FAM234B: variants seen among roughly 807,000 people sequenced by gnomAD.
FAM234B encodes protein FAM234B.
Under a neutral mutation model 69.3 loss-of-function variants are expected in FAM234B, and 33 were observed. The ratio of observed to expected loss-of-function variants is 0.48; its 90% CI spans 0.36 to 0.64. The LOEUF is 0.64. FAM234B is among the 30% of genes least tolerant of loss of function. FAM234B has a pLI of 0.00. For missense variants in FAM234B, 697 were observed against 769.7 expected (o/e 0.91, Z 1.12); for synonymous variants, 306 against 306.9 (o/e 1.00, Z 0.03).
chr12:13,071,229 T>G lies in FAM234B; in HGVS notation c.1369-12T>G, dbSNP rs765164450. 4 of 1,613,944 alleles carry G rather than the reference T, an allele frequency of 2.5e-6. No homozygotes were observed. Among genetic ancestry groups the G allele is most frequent in the Non-Finnish European group, 3.4e-6 (4 of 1,179,856 alleles). Reference sequence around the variant, plus strand: ...GCCTGGCCATGTTTACTGTCTGTCTTCTCTTTTGTAGATGATGGTTGTGGA... The same window carrying G: ...GCCTGGCCATGTTTACTGTCTGTCTGCTCTTTTGTAGATGATGGTTGTGGA... On this transcript the variant is annotated splice_polypyrimidine_tract_variant and intron_variant, in intron 9 of 12. Coordinates refer to ENST00000197268, the MANE Select transcript of FAM234B (RefSeq NM_020853.2).
intron 11 of FAM234B, among the ~76,000 whole-genome samples, chr12:13,078,383 T>C (rs1865185249): frequency 6.6e-6 from 1 of 152,242 alleles, no homozygotes; most frequent in Non-Finnish European, 1.5e-5. Context: ...GGTTTCTTTC[T>C]AGGGTTTTTA....
Position 13,056,069 on chromosome 12 carries a change from C to T in FAM234B, c.433+123C>T, listed in dbSNP as rs1864928225. The stretch of plus-strand genomic sequence containing the variant: ...ATGCGGCATTCCCCACCCTGCCGTC[C>T]CCACTGTGTGGAGGTGGCAAGGAGA... On this transcript the variant is annotated intron_variant, in intron 2 of 12. Coordinates refer to ENST00000197268, the MANE Select transcript of FAM234B (RefSeq NM_020853.2). The T allele has an allele frequency of 4.8e-6, 5 of 1,033,002 alleles. No homozygotes were observed. The South Asian group carries it at 8.6e-5, about 18-fold the overall frequency. 64.0% of individuals were successfully genotyped at this position (1,033,002 alleles called of 1,614,324 possible).
intron 3 of FAM234B, among the ~76,000 whole-genome samples, chr12:13,059,775 T>C (rs574457885): frequency 1.3e-5 from 2 of 152,154 alleles, no homozygotes; most frequent in African/African-American, 2.4e-5. Flanking sequence ...AGCCTAGGAG[T>C]AGATTTCCGT....
At chr12:13,069,492 A>C (rs1349539758) in intron 9 of FAM234B, among the ~76,000 whole-genome samples, 4 of 152,192 alleles carry the variant, frequency 2.6e-5, no homozygotes. Flanking sequence ...TGGAGACACA[A>C]AATTAATGAA....
rs377281119 is a variant in FAM234B, at chr12:13,068,397, G to A, written c.1236G>A (p.Arg412=). 2.3e-5 allele frequency: 37 copies of A among 1,614,048 alleles called. No homozygotes were observed. Among genetic ancestry groups the A allele is most frequent in the Non-Finnish European group, 3.1e-5 (36 of 1,180,032 alleles). ...CCAGACAAAGCCTTGTGCTGCTTCG[G>A]GGGCAAAATCTGACACCTTACTGGG... ...ITTRQSLVLL[R]GQNLTPYWAL... is the part of the protein sequence containing the mutation. Residue 412 remains arginine, a synonymous_variant, in exon 8 of 13, where the codon CGG becomes CGA. Coordinates refer to ENST00000197268, the MANE Select transcript of FAM234B (RefSeq NM_020853.2).
intron 2 of FAM234B, 139 bp downstream of exon 2, chr12:13,056,085 G>A: frequency 1.2e-6 from 1 of 847,308 alleles, no homozygotes; most frequent in Non-Finnish European, 1.7e-6. Context: ...GTGTGGAGGT[G>A]GCAAGGAGAT....
At position 13,080,019 on chromosome 12, in the gene FAM234B, TG is replaced by T. The variant is rs766254176; in HGVS notation, c.1863+11del. The T allele has an allele frequency of 6.4e-6, 10 of 1,562,036 alleles. No homozygotes were observed. The highest frequency in any genetic ancestry group is 8.7e-6 in the Non-Finnish European group (10 of 1,150,482). On this transcript the variant is annotated intron_variant, in intron 12 of 12. Coordinates refer to ENST00000197268, the MANE Select transcript of FAM234B (RefSeq NM_020853.2). Reference sequence around the variant, plus strand: ...TGAAGCTCCCTACGAGGTGAGTGGCTGCAGAAATATTGTTCCTCTTGAGGGT... The same window carrying T: ...TGAAGCTCCCTACGAGGTGAGTGGCTCAGAAATATTGTTCCTCTTGAGGGT...
chr12:13,079,768 C>T, intron 11 of FAM234B, 21 bp from the exon 12 acceptor site: 1 of 1,534,998 alleles, frequency 6.5e-7, no homozygotes, highest in Non-Finnish European at 9.0e-7. Context: ...GTTAACTGCT[C>T]TTGTTTTTGT....
At chr12:13,074,011 C>G (rs1202782346) in intron 10 of FAM234B, among the ~76,000 whole-genome samples, 2 of 152,170 alleles carry the variant, frequency 1.3e-5, no homozygotes, top group East Asian at 3.9e-4. Context: ...CAAAATTCAC[C>G]ACAAATTTGA....
Position 13,068,447 on chromosome 12 carries a change from G to C in FAM234B, c.1286G>C (p.Ser429Thr). The C allele has an allele frequency of 6.2e-7, 1 of 1,613,862 alleles. No homozygotes were observed. The highest frequency in any genetic ancestry group is 8.5e-7 in the Non-Finnish European group (1 of 1,179,914). The stretch of plus-strand genomic sequence containing the variant: ...GCATTGAGACTTCAAGGCCTGCGCA[G>C]GTTTGCATTGTGTTCCTTCTTGTGT... ...YWALRLQGLRSQPTPGYFTDD... is the reference protein window; with the variant it reads ...YWALRLQGLRTQPTPGYFTDD... The change falls in exon 8 of 13, where the codon AGC (serine) becomes ACC (threonine). Residue 429 changes from serine (S) to threonine (T), a missense_variant and splice_region_variant. Coordinates refer to ENST00000197268, the MANE Select transcript of FAM234B (RefSeq NM_020853.2).
In FAM234B at chr12:13,058,535, A is replaced by G. The variant is rs1410828211; in HGVS notation, c.518A>G (p.Asn173Ser). 6.2e-7 allele frequency: 1 copy of G among 1,608,272 alleles called. No homozygotes were observed. Among genetic ancestry groups the G allele is most frequent in the Non-Finnish European group, 8.5e-7 (1 of 1,176,658 alleles). The change falls in exon 3 of 13, where the codon AAC (asparagine) becomes AGC (serine). Residue 173 changes from asparagine (N) to serine (S), a missense_variant. By Grantham distance (46) the Asn-to-Ser change is conservative. Transcript: ENST00000197268. ...CTTCTCTCCTTTGTGATGTCAAGGAACGGGAGTGCAGTAGGTAAGAGACGT... is the reference window on the plus strand; with the variant it reads ...CTTCTCTCCTTTGTGATGTCAAGGAGCGGGAGTGCAGTAGGTAAGAGACGT... The part of the protein sequence containing the change: ...DVLLSFVMSR[N>S]GSAVGVSRPA...
At position 13,082,883 on chromosome 12, in the gene FAM234B, C is replaced by T. The variant is rs538224944; in HGVS notation, c.*2253C>T. 3.5e-4 allele frequency: 53 copies of T among 152,278 alleles called. No individual in the cohort carries two copies. The highest frequency in any genetic ancestry group is 1.3e-3 in the African/African-American group (53 of 41,554). The allele number at this position is 152,278 out of a possible 1,614,324, so 9.4% of individuals were successfully genotyped here. A position where few individuals can be genotyped will look rare whatever the true frequency, so the allele number is the denominator to read the frequency against. ...GAGGAAGCTAGAGAAACTTAATGTA[C>T]CTGAATTCTTCATGGTGTATTTGCA... On this transcript the variant is annotated 3_prime_UTR_variant, in exon 13 of 13. Coordinates refer to ENST00000197268, the MANE Select transcript of FAM234B (RefSeq NM_020853.2).
chr12:13,064,330 T>C (rs1347556748), intron 5 of FAM234B, among the ~76,000 whole-genome samples: 1 of 152,240 alleles, frequency 6.6e-6, no homozygotes, highest in African/African-American at 2.4e-5. Flanking sequence ...TAGGGAAAAT[T>C]TGAATTATTA....
intron 7 of FAM234B, 21 bp from the exon 8 acceptor site, chr12:13,068,283 T>A (rs769794965): frequency 2.5e-6 from 4 of 1,613,792 alleles, no homozygotes; most frequent in Admixed American, 1.7e-5. Context: ...AGACTAACCG[T>A]TGGGGTCTTA....
At chr12:13,053,237 A>ATT (rs201461633) in intron 1 of FAM234B, among the ~76,000 whole-genome samples, 3 of 151,772 alleles carry the variant, frequency 2.0e-5, no homozygotes, top group African/African-American at 7.3e-5. Flanking sequence ...TTTTCTTTGG[A>ATT]TTTTTTTTGA....
At chr12:13,056,661 C>T (rs749758454) in intron 2 of FAM234B, among the ~76,000 whole-genome samples, 1 of 152,118 alleles carries the variant, frequency 6.6e-6, no homozygotes. Flanking sequence ...GTTCTGTGTT[C>T]TCATCTTTAG....
At chr12:13,068,905 T>G (rs1326853907) in intron 9 of FAM234B, among the ~76,000 whole-genome samples, 194 bp downstream of exon 9, 1 of 152,166 alleles carries the variant, frequency 6.6e-6, no homozygotes, top group Non-Finnish European at 1.5e-5. Context: ...TGGAAGCCTT[T>G]CTAGGATAAT....
chr12:13,048,712 A>G (rs1864839693), intron 1 of FAM234B, among the ~76,000 whole-genome samples: 1 of 152,126 alleles, frequency 6.6e-6, no homozygotes, highest in Non-Finnish European at 1.5e-5. Flanking sequence ...CTTGCTGTTT[A>G]TCTGTGGGCC....
chr12:13,082,910 A>G lies in FAM234B; in HGVS notation c.*2280A>G, dbSNP rs1421606628. 6.6e-6 allele frequency: 1 copy of G among 152,220 alleles called. No homozygotes were observed. The highest frequency in any genetic ancestry group is 2.4e-5 in the African/African-American group (1 of 41,446). The allele number at this position is 152,220 out of a possible 1,614,324, so 9.4% of individuals were successfully genotyped here. Reference sequence around the variant, plus strand: ...TGAATTCTTCATGGTGTATTTGCAAACTAACTTAACATAGATTCTTTTGAC... The same window carrying G: ...TGAATTCTTCATGGTGTATTTGCAAGCTAACTTAACATAGATTCTTTTGAC... On this transcript the variant is annotated 3_prime_UTR_variant, in exon 13 of 13. Coordinates refer to ENST00000197268, the MANE Select transcript of FAM234B (RefSeq NM_020853.2).
Sources: allele counts gnomAD v4.1 joint callset (sites outside exome capture counted in the v4.1 genomes callset), GRCh38; gene constraint gnomAD v4.1.1; transcripts MANE v1.5; gene names NCBI Gene and HGNC (gene_info 2026-07-23, HGNC 2026-07-21).